DENND4C: variants seen among roughly 807,000 people sequenced by gnomAD.
DENND4C encodes the protein DENN domain containing 4C.
In DENND4C, 108 loss-of-function variants were observed where a neutral mutation model predicts 203.0. The ratio of observed to expected loss-of-function variants is 0.53; its 90% CI spans 0.46 to 0.62. DENND4C has a LOEUF of 0.62. Ranked by LOEUF, DENND4C falls within the 20% of genes least tolerant of loss-of-function variation. The pLI is 0.00. For missense variants in DENND4C, 2,481 were observed against 2,301.2 expected (o/e 1.08, Z -1.60); for synonymous variants, 871 against 792.4 (o/e 1.10, Z -1.67).
chr9:19,367,744 ACAAG>A, intron 30 of DENND4C, among the ~76,000 whole-genome samples: 1 of 152,236 alleles, frequency 6.6e-6, no homozygotes, highest in Non-Finnish European at 1.5e-5. Context: ...CATCTCAAAA[ACAAG>A]AAAAAAAAAT....
chr9:19,372,433 A>C lies in DENND4C; in HGVS notation c.*260A>C, dbSNP rs974244110. The C allele has an allele frequency of 1.5e-5, 5 of 337,928 alleles. No homozygotes were observed. Among genetic ancestry groups the C allele is most frequent in the Non-Finnish European group, 2.1e-5 (4 of 187,896 alleles). The allele number at this position is 337,928 out of a possible 1,614,324, so 20.9% of individuals were successfully genotyped here. A position where few individuals can be genotyped will look rare whatever the true frequency, so the allele number is the denominator to read the frequency against. On this transcript the variant is annotated 3_prime_UTR_variant, in exon 33 of 33. Transcript: ENST00000434457. ...TGCCTCTGTGGAAAACTACTTTGGGATTCTTCAGTATTTGTAGTAGTTTGA... is the reference window on the plus strand; with the variant it reads ...TGCCTCTGTGGAAAACTACTTTGGGCTTCTTCAGTATTTGTAGTAGTTTGA...
In DENND4C at chr9:19,318,681, C is replaced by A. The variant is rs149044916; in HGVS notation, c.1807+1842C>A. ...TTTCTTCTGAAGCCTCTTCCCTTGG[C>A]TTGTAGATAGGTATTTTCTCCATGT... On this transcript the variant is annotated intron_variant, in intron 12 of 32. Coordinates refer to ENST00000434457, the MANE Select transcript of DENND4C (RefSeq NM_001330640.2). Among the ~76,000 whole-genome samples the A allele has an allele frequency of 3.3e-5, 5 of 152,282 alleles. No individual in the cohort carries two copies. In the East Asian group the frequency reaches 9.7e-4, roughly 29 times the overall value.
At position 19,358,617 on chromosome 9, in the gene DENND4C, A is replaced by G. The variant is rs112004808; in HGVS notation, c.5160+457A>G. On this transcript the variant is annotated intron_variant, in intron 28 of 32. Transcript: ENST00000434457. This position sits in a 1 kb window ranked among gnomAD's most constrained non-coding sequence, Gnocchi z 4.8. ...TGATTGTCTCAAAAATGTCAAATGCATATGTGTGCTTGTGTATGTGTGGGT... is the reference window on the plus strand; with the variant it reads ...TGATTGTCTCAAAAATGTCAAATGCGTATGTGTGCTTGTGTATGTGTGGGT... Among the ~76,000 whole-genome samples, 5 of 151,786 alleles carry G rather than the reference A, an allele frequency of 3.3e-5. 1 individual carries two copies. In the Middle Eastern group the frequency reaches 0.017, roughly 523 times the overall value.
At chr9:19,340,923 T>G in intron 20 of DENND4C, 69 bp from the exon 21 acceptor site, 2 of 1,372,580 alleles carry the variant, frequency 1.5e-6, no homozygotes, top group South Asian at 1.7e-5. Context: ...GGAATTTTCT[T>G]GTGATTTTTA....
At chr9:19,316,965 A>G (rs1345883151) in intron 12 of DENND4C, 126 bp downstream of exon 12, 13 of 869,698 alleles carry the variant, frequency 1.5e-5, no homozygotes, top group Non-Finnish European at 2.0e-5. Flanking sequence ...ATGAACCTCC[A>G]TGTATTTGTA....
At chr9:19,350,381 C>G (rs1823824227) in intron 23 of DENND4C, among the ~76,000 whole-genome samples, 1 of 152,180 alleles carries the variant, frequency 6.6e-6, no homozygotes, top group Non-Finnish European at 1.5e-5. Context: ...TCTACTTGTA[C>G]TGGGATTCCT....
Position 19,294,175 on chromosome 9 carries a change from A to C in DENND4C, c.802-1833A>C, listed in dbSNP as rs568587909. 4.6e-5 allele frequency among the ~76,000 whole-genome samples: 7 copies of C among 152,264 alleles called. No homozygotes were observed. In the East Asian group the frequency reaches 1.4e-3, roughly 29 times the overall value. On this transcript the variant is annotated intron_variant, in intron 5 of 32. Coordinates refer to ENST00000434457, the MANE Select transcript of DENND4C (RefSeq NM_001330640.2). ...ATAAAGATTTGTGTTTTGTTAGTATAATGATTATAGTTAAAACCATGAGAG... is the reference window on the plus strand; with the variant it reads ...ATAAAGATTTGTGTTTTGTTAGTATCATGATTATAGTTAAAACCATGAGAG...
chr9:19,270,522 G>A (rs1488245370), intron 1 of DENND4C, among the ~76,000 whole-genome samples: 1 of 152,144 alleles, frequency 6.6e-6, no homozygotes, highest in Non-Finnish European at 1.5e-5. Flanking sequence ...ACATAGGTTG[G>A]CATTACATTC....
At chr9:19,241,020 G>A (rs1038219019) in intron 1 of DENND4C, among the ~76,000 whole-genome samples, 2 of 152,118 alleles carry the variant, frequency 1.3e-5, no homozygotes, top group African/African-American at 4.8e-5. Flanking sequence ...GGACAGATAT[G>A]AAAGATAAAC....
chr9:19,269,677 G>C (rs1275324733), intron 1 of DENND4C, among the ~76,000 whole-genome samples: 1 of 152,012 alleles, frequency 6.6e-6, no homozygotes, highest in African/African-American at 2.4e-5. Context: ...GAATTTCATT[G>C]AGCTTCTTTA....
At chr9:19,308,964 T>C (rs1840228605) in intron 10 of DENND4C, among the ~76,000 whole-genome samples, 1 of 152,166 alleles carries the variant, frequency 6.6e-6, no homozygotes, top group African/African-American at 2.4e-5. Flanking sequence ...CTTGAAAACA[T>C]TATGTTAAAA....
rs1831986415 is a variant in DENND4C, at chr9:19,272,736, T to C, written c.-17-3422T>C. ...AAATGTGGGGGAAATGTTTTCTTTA[T>C]GACATTGGATTAGACATGTTTTTTT... On this transcript the variant is annotated intron_variant, in intron 1 of 32. Transcript: ENST00000434457. 2.0e-5 allele frequency among the ~76,000 whole-genome samples: 3 copies of C among 152,150 alleles called. No homozygotes were observed. The South Asian group carries it at 6.2e-4, about 32-fold the overall frequency.
rs534154371 is a variant in DENND4C at position 19,352,028 on chromosome 9, A to C, written c.4496-45A>C. 1.7e-5 allele frequency: 26 copies of C among 1,534,118 alleles called. No homozygotes were observed. In the East Asian group the frequency reaches 5.6e-4, roughly 33 times the overall value. On this transcript the variant is annotated intron_variant, in intron 24 of 32. Coordinates refer to ENST00000434457, the MANE Select transcript of DENND4C (RefSeq NM_001330640.2). ...CTTTGGCATGCATTTTCAAAAAACA[A>C]GGACATTCCTTACTTAAGGTATTAC...
intron 1 of DENND4C, among the ~76,000 whole-genome samples, chr9:19,240,315 G>A (rs1008976788): frequency 2.6e-5 from 4 of 152,088 alleles, no homozygotes; most frequent in Non-Finnish European, 5.9e-5. Flanking sequence ...GGCAGCTATA[G>A]CATAATGGTG....
At chr9:19,265,655 C>G (rs1483474714) in intron 1 of DENND4C, among the ~76,000 whole-genome samples, 8 of 152,028 alleles carry the variant, frequency 5.3e-5, no homozygotes, top group Non-Finnish European at 1.0e-4. Context: ...ACCCTGTGTC[C>G]AAGTGTTCTT....
intron 7 of DENND4C, 95 bp downstream of exon 7, chr9:19,298,217 G>A: frequency 9.7e-7 from 1 of 1,034,498 alleles, no homozygotes; most frequent in Non-Finnish European, 1.4e-6. Flanking sequence ...TTGAGGTGGA[G>A]CAATATGCAT....
At chr9:19,240,735 G>A (rs1212930136) in intron 1 of DENND4C, among the ~76,000 whole-genome samples, 1 of 151,794 alleles carries the variant, frequency 6.6e-6, no homozygotes, top group Non-Finnish European at 1.5e-5. Flanking sequence ...GGGAGGCTGA[G>A]GCAGGCAGAT....
intron 9 of DENND4C, among the ~76,000 whole-genome samples, chr9:19,304,693 C>G (rs564724595): frequency 6.6e-6 from 1 of 151,182 alleles, no homozygotes; most frequent in Non-Finnish European, 1.5e-5. Context: ...CCCACCACCA[C>G]GTCTGGCTAA....
chr9:19,271,439 G>A (rs1831644786), intron 1 of DENND4C, among the ~76,000 whole-genome samples: 1 of 152,104 alleles, frequency 6.6e-6, no homozygotes, highest in Non-Finnish European at 1.5e-5. Flanking sequence ...GGCCTCAAGT[G>A]ATCCGCCTAC....
Sources: allele counts gnomAD v4.1 joint callset (sites outside exome capture counted in the v4.1 genomes callset), GRCh38; gene constraint gnomAD v4.1.1; non-coding constraint Gnocchi (gnomAD v3.1); transcripts MANE v1.5; gene names NCBI Gene and HGNC (gene_info 2026-07-23, HGNC 2026-07-21).